Variants in NOCT observed in about 807,000 individuals in gnomAD.
The protein encoded by NOCT is nocturnin.
NOCT carries 18 observed loss-of-function variants against 35.0 expected under a neutral mutation model. That is an observed-to-expected ratio of 0.51 (90% CI 0.36 to 0.76). The LOEUF (loss-of-function observed/expected upper bound fraction) is 0.76, where lower values mean the gene tolerates loss of function less well. Ranked by LOEUF, NOCT falls within the 30% of genes least tolerant of loss-of-function variation. NOCT has a pLI of 0.01. For missense variants in NOCT, 479 were observed against 541.0 expected, an observed-to-expected ratio of 0.89 and a Z score of 1.14; for synonymous variants, 235 against 226.3, an observed-to-expected ratio of 1.04 and a Z score of -0.34.
chr4:139,015,893 C>T lies in NOCT; in HGVS notation c.-89C>T. ...CCTGGGAGCATCCGCCCACACTGCC[C>T]GGACAGTCGGCTCGACTCGGTGCCC... On this transcript the variant is annotated 5_prime_UTR_variant, in exon 1 of 3. Transcript: ENST00000280614. 1.8e-6 allele frequency: 2 copies of T among 1,086,120 alleles called. No individual in the cohort carries two copies. The highest frequency in any genetic ancestry group is 1.2e-6 in the Non-Finnish European group (1 of 846,578). The allele number at this position is 1,086,120 out of a possible 1,614,324, so 67.3% of individuals were successfully genotyped here.
intron 2 of NOCT, 126 bp from the exon 3 acceptor site, chr4:139,044,511 CAG>C: frequency 1.6e-6 from 1 of 622,618 alleles, no homozygotes; most frequent in South Asian, 2.0e-5. Context: ...ACAGTTTGGA[CAG>C]AGAGCCACTC....
intron 2 of NOCT, 114 bp downstream of exon 2, chr4:139,043,457 G>A: frequency 1.0e-6 from 1 of 995,846 alleles, no homozygotes; most frequent in South Asian, 1.5e-5. Flanking sequence ...GGCAGATGGA[G>A]GTGACTGCAG....
rs546346607 is a variant in NOCT at position 139,045,509 on chromosome 4, ATTTTTT to A, written c.*55_*60del. ...TTTGTCTTTTTAATCACAGGAGTCT[ATTTTTT>A]TTTTTTTTTTTTTTTTTTTGAGACA... On this transcript the variant is annotated 3_prime_UTR_variant, in exon 3 of 3. Transcript: ENST00000280614. The A allele has an allele frequency of 1.6e-3, 602 of 379,662 alleles. 3 individuals are homozygous for A. Among genetic ancestry groups the A allele is most frequent in the Middle Eastern group, 3.0e-3 (4 of 1,322 alleles). The allele number at this position is 379,662 out of a possible 1,614,324, so 23.5% of individuals were successfully genotyped here. A position where few individuals can be genotyped will look rare whatever the true frequency, so the allele number is the denominator to read the frequency against.
intron 1 of NOCT, among the ~76,000 whole-genome samples, chr4:139,024,045 C>CT (rs368349308): frequency 0.21 from 27,009 of 129,752 alleles, 3,212 homozygotes; most frequent in East Asian, 0.57. Context: ...TCTATTCATC[C>CT]TTTTTTTTTT....
In NOCT at chr4:139,043,101, G is replaced by A. The variant is rs1175713460; in HGVS notation, c.218G>A (p.Arg73Lys). 6.2e-7 allele frequency: 1 copy of A among 1,606,870 alleles called. No homozygotes were observed. The highest frequency in any genetic ancestry group is 8.5e-7 in the Non-Finnish European group (1 of 1,174,112). The change falls in exon 2 of 3, where the codon AGA becomes AAA. Residue 73 changes from arginine (R) to lysine (K), a missense_variant. By Grantham distance (26) the Arg-to-Lys change is conservative. Transcript: ENST00000280614. ...TVCSMGTGTSRLYSALAKTLN... is the reference protein window; with the variant it reads ...TVCSMGTGTSKLYSALAKTLN... ...TGTTCCATGGGAACCGGTACAAGCA[G>A]ACTCTATAGTGCTCTCGCCAAGACA...
At position 139,045,488 on chromosome 4, in the gene NOCT, T is replaced by C. The variant is rs1277733299; in HGVS notation, c.*14T>C. 4 of 1,360,616 alleles carry C rather than the reference T, an allele frequency of 2.9e-6. No homozygotes were observed. The highest frequency in any genetic ancestry group is 4.1e-6 in the Non-Finnish European group (4 of 982,222). 84.3% of individuals were successfully genotyped at this position (1,360,616 alleles called of 1,614,324 possible). ...GGACTTTCATAAATACTTGCTTTTG[T>C]CTTTTTAATCACAGGAGTCTATTTT... On this transcript the variant is annotated 3_prime_UTR_variant, in exon 3 of 3. Coordinates refer to ENST00000280614, the MANE Select transcript of NOCT (RefSeq NM_012118.4).
rs76107150 is a variant in NOCT at position 139,039,381 on chromosome 4, T to C, written c.191-3693T>C. On this transcript the variant is annotated intron_variant, in intron 1 of 2. Coordinates refer to ENST00000280614, the MANE Select transcript of NOCT (RefSeq NM_012118.4). ...CTGATGACAATCTGATTTTTTTTTT[T>C]ACTAGACCACTTGGTGTTGGTCATT... is the stretch of plus-strand genomic sequence containing the variant. Among the ~76,000 whole-genome samples the C allele has an allele frequency of 5.4e-5, 8 of 147,890 alleles. No homozygotes were observed. The Admixed American group carries it at 5.5e-4, about 10-fold the overall frequency.
intron 1 of NOCT, among the ~76,000 whole-genome samples, chr4:139,042,071 C>CTTTTTG (rs571086071): frequency 4.6e-5 from 5 of 108,740 alleles, no homozygotes; most frequent in Admixed American, 2.3e-4. Flanking sequence ...TCTTTAAGAT[C>CTTTTTG]TTTTTTTTTT....
At chr4:139,016,241 G>A in intron 1 of NOCT, 70 bp downstream of exon 1, 3 of 1,065,052 alleles carry the variant, frequency 2.8e-6, no homozygotes, top group Non-Finnish European at 3.6e-6. Context: ...TGGAGACCGC[G>A]CGGAATGAAT....
At chr4:139,021,639 G>GTA (rs1451875279) in intron 1 of NOCT, among the ~76,000 whole-genome samples, 1 of 152,064 alleles carries the variant, frequency 6.6e-6, no homozygotes, top group Non-Finnish European at 1.5e-5. Flanking sequence ...GTAAAATGAG[G>GTA]TTTCTATGAT....
intron 1 of NOCT, among the ~76,000 whole-genome samples, chr4:139,033,994 G>A (rs992559655): frequency 1.2e-4 from 19 of 152,138 alleles, no homozygotes; most frequent in Admixed American, 4.6e-4. Context: ...AACATGCTAG[G>A]ATTATAGCAC....
chr4:139,025,739 G>GGTTTCA (rs1483752095), intron 1 of NOCT, among the ~76,000 whole-genome samples: 5 of 151,942 alleles, frequency 3.3e-5, no homozygotes, highest in Non-Finnish European at 7.4e-5. Context: ...GGGAGGCAGA[G>GGTTTCA]GTTTCAGTGA....
At chr4:139,017,062 A>C (rs1268132642) in intron 1 of NOCT, among the ~76,000 whole-genome samples, 5 of 143,692 alleles carry the variant, frequency 3.5e-5, no homozygotes, top group African/African-American at 1.3e-4. Context: ...CCTTAGTTTC[A>C]CCAAGAGCTG....
At chr4:139,022,951 T>G (rs1414793756) in intron 1 of NOCT, among the ~76,000 whole-genome samples, 2 of 151,896 alleles carry the variant, frequency 1.3e-5, no homozygotes, top group African/African-American at 4.8e-5. Context: ...AATGTAAAAA[T>G]TAGCCGGGTG....
intron 1 of NOCT, among the ~76,000 whole-genome samples, chr4:139,021,614 A>G (rs990636512): frequency 2.6e-5 from 4 of 152,154 alleles, no homozygotes; most frequent in South Asian, 4.1e-4. Context: ...TAGTCACTCT[A>G]AGTCACAACT....
At chr4:139,031,396 G>T (rs1726621436) in intron 1 of NOCT, among the ~76,000 whole-genome samples, 1 of 152,040 alleles carries the variant, frequency 6.6e-6, no homozygotes, top group Non-Finnish European at 1.5e-5. Flanking sequence ...TGATCCACCT[G>T]TCTTGGCCTC....
intron 1 of NOCT, among the ~76,000 whole-genome samples, chr4:139,038,569 TGATTC>T (rs1726777978): frequency 6.6e-6 from 1 of 152,238 alleles, no homozygotes; most frequent in African/African-American, 2.4e-5. Flanking sequence ...CTATCCCATT[TGATTC>T]ATCTCATATA....
Position 139,016,149 on chromosome 4 carries a change from C to T in NOCT, c.168C>T (p.Ala56=). Residue 56 remains alanine (A), a synonymous_variant, in exon 1 of 3, where the codon GCC becomes GCT. Transcript: ENST00000280614. ...CGGCGGCCTCGGCGGCCTCGGGCGC[C>T]GCGAGGTCGTGTTCCCGAACAGGTG... ...LLAAASAASG[A]ARSCSRTVCS... 7.9e-7 allele frequency: 1 copy of T among 1,272,782 alleles called. No homozygotes were observed. Among genetic ancestry groups the T allele is most frequent in the Non-Finnish European group, 9.9e-7 (1 of 1,014,198 alleles). 78.8% of individuals were successfully genotyped at this position (1,272,782 alleles called of 1,614,324 possible). A position where few individuals can be genotyped will look rare whatever the true frequency, so the allele number is the denominator to read the frequency against.
chr4:139,039,762 T>C (rs539020487), intron 1 of NOCT, among the ~76,000 whole-genome samples: 1 of 152,294 alleles, frequency 6.6e-6, no homozygotes, highest in South Asian at 2.1e-4. Context: ...GGAGTATCGC[T>C]CTATTGCCAG....
Sources: gnomAD v4.1 joint callset for allele counts (sites outside exome capture counted in the v4.1 genomes callset) on GRCh38, gnomAD v4.1.1 for gene constraint, MANE v1.5 for transcripts, NCBI Gene and HGNC (gene_info 2026-07-23, HGNC 2026-07-21) for gene names.